The following KDM5A variants were observed in gnomAD, a reference collection of about 807,000 sequenced individuals.
The protein encoded by KDM5A is lysine demethylase 5A, also known as lysine-specific demethylase 5A.
KDM5A carries 42 observed loss-of-function variants against 193.5 expected under a neutral mutation model. The ratio of observed to expected loss-of-function variants is 0.22; its 90% CI spans 0.17 to 0.28. The LOEUF (loss-of-function observed/expected upper bound fraction) is 0.28, where lower values mean the gene tolerates loss of function less well. Among genes scored for constraint, KDM5A ranks in the 10% least tolerant of loss-of-function variants. The pLI is 1.00. For synonymous variants in KDM5A, 796 were observed against 718.1 expected (o/e 1.11, Z -1.73); for missense variants, 1,692 against 2,055.1 (o/e 0.82, Z 3.42).
At chr12:344,526 G>A (rs371120114) in intron 10 of KDM5A, among the ~76,000 whole-genome samples, 1 of 152,320 alleles carries the variant, frequency 6.6e-6, no homozygotes, top group African/African-American at 2.4e-5. Flanking sequence ...GAAAGGTCAA[G>A]TTACCCACAA....
chr12:380,742 G>A (rs997454181), intron 3 of KDM5A, among the ~76,000 whole-genome samples: 1 of 151,758 alleles, frequency 6.6e-6, no homozygotes, highest in African/African-American at 2.4e-5. Flanking sequence ...AGTAGAAAGA[G>A]CTTCATTAAA....
At chr12:326,515 A>T (rs1943786391) in intron 14 of KDM5A, among the ~76,000 whole-genome samples, 1 of 152,232 alleles carries the variant, frequency 6.6e-6, no homozygotes. Context: ...AAACAACAGC[A>T]GCAATATATA....
chr12:376,656 C>T (rs79848173), intron 3 of KDM5A, among the ~76,000 whole-genome samples: 8 of 152,186 alleles, frequency 5.3e-5, no homozygotes, highest in Non-Finnish European at 7.3e-5. Context: ...AGAAATCACC[C>T]GTCTTCTGCG....
intron 3 of KDM5A, among the ~76,000 whole-genome samples, chr12:374,506 G>C (rs1250122978): frequency 6.6e-6 from 1 of 152,138 alleles, no homozygotes; most frequent in East Asian, 1.9e-4. Context: ...AAGCACACTG[G>C]TGGATCTTGA....
chr12:382,159 T>C (rs989458719), intron 3 of KDM5A, among the ~76,000 whole-genome samples: 2 of 152,096 alleles, frequency 1.3e-5, no homozygotes, highest in Non-Finnish European at 2.9e-5. Context: ...TGGCCACGCA[T>C]GGTGGCTCAC....
At chr12:293,434 A>T (rs1464276837) in intron 26 of KDM5A, among the ~76,000 whole-genome samples, 1 of 152,148 alleles carries the variant, frequency 6.6e-6, no homozygotes, top group Non-Finnish European at 1.5e-5. Context: ...TTGTCTACCT[A>T]AAAAGGGTTA....
rs1244327152 is a variant in KDM5A, at chr12:297,035, T to C, written c.4234+6A>G. The C allele has an allele frequency of 1.2e-6, 2 of 1,613,398 alleles. No homozygotes were observed. Among genetic ancestry groups the C allele is most frequent in the Non-Finnish European group, 1.7e-6 (2 of 1,179,838 alleles). On this transcript the variant is annotated splice_donor_region_variant and intron_variant, in intron 25 of 27. Coordinates refer to ENST00000399788, the MANE Select transcript of KDM5A (RefSeq NM_001042603.3). ...TGTTCCCCACAGTTTTTTAAAGGAG[T>C]AATACCTTGAGAACAACTCTTAGAA...
chr12:328,775 G>A, intron 14 of KDM5A, 60 bp downstream of exon 14: 3 of 1,490,944 alleles, frequency 2.0e-6, no homozygotes, highest in Non-Finnish European at 2.8e-6. Context: ...CTACCTATAG[G>A]TTTATTTAGC....
chr12:343,157 A>G (rs1944028009), intron 10 of KDM5A, among the ~76,000 whole-genome samples: 1 of 152,190 alleles, frequency 6.6e-6, no homozygotes, highest in African/African-American at 2.4e-5. Flanking sequence ...ACACCCACAG[A>G]GCCTTGCTCA....
chr12:355,554 C>T (rs1160276913), intron 6 of KDM5A, among the ~76,000 whole-genome samples: 1 of 152,194 alleles, frequency 6.6e-6, no homozygotes, highest in African/African-American at 2.4e-5. Flanking sequence ...GCAGGTATTA[C>T]TTGGAGGAAC....
At chr12:347,961 T>C (rs1223940320) in intron 10 of KDM5A, among the ~76,000 whole-genome samples, 1 of 152,056 alleles carries the variant, frequency 6.6e-6, no homozygotes, top group African/African-American at 2.4e-5. Flanking sequence ...GAAACTACCA[T>C]CAGAGTAAAC....
chr12:375,508 C>T (rs1448081595), intron 3 of KDM5A, among the ~76,000 whole-genome samples: 3 of 152,192 alleles, frequency 2.0e-5, no homozygotes, highest in East Asian at 1.9e-4. Flanking sequence ...AGCTTCTTTG[C>T]GATGGGTTCG....
intron 3 of KDM5A, among the ~76,000 whole-genome samples, chr12:372,097 C>T (rs900803657): frequency 3.9e-5 from 6 of 152,046 alleles, no homozygotes; most frequent in South Asian, 2.1e-4. Context: ...TTTTTGGTTC[C>T]GTATGAACTT....
chr12:388,801 A>G, intron 1 of KDM5A, 126 bp downstream of exon 1: 1 of 1,193,156 alleles, frequency 8.4e-7, no homozygotes, highest in East Asian at 2.3e-5. Flanking sequence ...ATCCAGAAAC[A>G]GGCTCCAGTT....
chr12:329,718 G>A (rs951016713), intron 13 of KDM5A, among the ~76,000 whole-genome samples: 2 of 151,950 alleles, frequency 1.3e-5, no homozygotes, highest in African/African-American at 4.8e-5. Context: ...TTTCATAAAT[G>A]AACAGTTACA....
chr12:285,059 C>A lies in KDM5A; in HGVS notation c.*397G>T. On this transcript the variant is annotated 3_prime_UTR_variant, in exon 28 of 28. Coordinates refer to ENST00000399788, the MANE Select transcript of KDM5A (RefSeq NM_001042603.3). ...ATGAAGGAGATCCAAGCAATTAGCA[C>A]CTTCAGTTGGTGCTGCTCCTAAGTT... The A allele has an allele frequency of 3.4e-6, 1 of 291,434 alleles. No homozygotes were observed. Among genetic ancestry groups the A allele is most frequent in the Non-Finnish European group, 6.5e-6 (1 of 153,534 alleles). The allele number at this position is 291,434 out of a possible 1,614,324, so 18.1% of individuals were successfully genotyped here.
At chr12:345,206 CAAG>C (rs1404234780) in intron 10 of KDM5A, among the ~76,000 whole-genome samples, 1 of 152,110 alleles carries the variant, frequency 6.6e-6, no homozygotes, top group Non-Finnish European at 1.5e-5. Context: ...ATGAATTCAA[CAAG>C]AAGAGCTAAC....
At chr12:314,543 T>C (rs1172497679) in intron 19 of KDM5A, among the ~76,000 whole-genome samples, 1 of 152,202 alleles carries the variant, frequency 6.6e-6, no homozygotes, top group Admixed American at 6.5e-5. Flanking sequence ...GAGTTTATGA[T>C]GCTCTGTGGT....
intron 16 of KDM5A, 55 bp from the exon 17 acceptor site, chr12:322,622 T>C (rs1390468255): frequency 8.7e-6 from 13 of 1,489,120 alleles, no homozygotes; most frequent in African/African-American, 1.4e-5. Context: ...CAAAAAGCCA[T>C]TCTAAAATCT....
Sources: gnomAD v4.1 joint callset for allele counts (sites outside exome capture counted in the v4.1 genomes callset) on GRCh38, gnomAD v4.1.1 for gene constraint, MANE v1.5 for transcripts, NCBI Gene and HGNC (gene_info 2026-07-23, HGNC 2026-07-21) for gene names.